The following PGAP1 variants were observed in gnomAD, a reference collection of about 807,000 sequenced individuals.
The protein encoded by PGAP1 is post-GPI attachment to proteins inositol deacylase 1.
In PGAP1, 76 loss-of-function variants were observed where a neutral mutation model predicts 127.0. The observed-to-expected ratio is 0.60, with a 90% CI of 0.50 to 0.72. The LOEUF (loss-of-function observed/expected upper bound fraction) is 0.72, where lower values mean the gene tolerates loss of function less well. Ranked by LOEUF, PGAP1 falls within the 30% of genes least tolerant of loss-of-function variation. The pLI, the probability that PGAP1 is intolerant of heterozygous loss-of-function variation, is 0.00. For synonymous variants in PGAP1, 362 were observed against 366.5 expected, an observed-to-expected ratio of 0.99 and a Z score of 0.14; for missense variants, 982 against 1,071.3, an observed-to-expected ratio of 0.92 and a Z score of 1.16.
At position 196,920,111 on chromosome 2, in the gene PGAP1, C is replaced by T. The variant is rs201585822; in HGVS notation, c.187G>A (p.Ala63Thr). 1.2e-4 allele frequency: 194 copies of T among 1,611,656 alleles called. 1 individual carries two copies. In the East Asian group the frequency reaches 2.6e-3, roughly 22 times the overall value. ...LPKKLAKRYP[A>T]YELYLYGEGS... ...TCTCCATAAAGATACAACTCATATG[C>T]GGGATAGCGTTTTGCCAGTTTCTTT... Residue 63 changes from alanine to threonine, a missense_variant, in exon 2 of 27, where the codon GCA becomes ACA. Physicochemically the swap from Ala to Thr is moderately conservative, Grantham distance 58. Coordinates refer to ENST00000354764, the MANE Select transcript of PGAP1 (RefSeq NM_024989.4).
intron 21 of PGAP1, chr2:196,847,432 T>C (rs1700589944): frequency 1.2e-5 from 4 of 325,484 alleles, no homozygotes; most frequent in East Asian, 5.0e-5. Flanking sequence ...CTAATCTATA[T>C]TGATACTAGT....
At chr2:196,867,421 AC>A (rs780018353) in intron 19 of PGAP1, among the ~76,000 whole-genome samples, 15 of 152,204 alleles carry the variant, frequency 9.9e-5, no homozygotes, top group Non-Finnish European at 1.9e-4. Flanking sequence ...TGGGAGTTGA[AC>A]AATGAGAACA....
intron 6 of PGAP1, among the ~76,000 whole-genome samples, chr2:196,898,065 A>T (rs1408598050): frequency 1.3e-5 from 2 of 152,140 alleles, no homozygotes; most frequent in Admixed American, 1.3e-4. Context: ...TAAAACTACA[A>T]AAATTAGCCG....
At chr2:196,873,476 G>A (rs954050454) in intron 16 of PGAP1, 52 bp downstream of exon 16, 30 of 1,358,434 alleles carry the variant, frequency 2.2e-5, no homozygotes, top group Middle Eastern at 2.6e-4. Flanking sequence ...CACCTATTGA[G>A]TCTTCAAATG....
At chr2:196,885,535 TA>T (rs1701870826) in intron 11 of PGAP1, 60 bp from the exon 12 acceptor site, 3 of 1,235,170 alleles carry the variant, frequency 2.4e-6, no homozygotes, top group South Asian at 2.7e-5. Context: ...TTACAAATTA[TA>T]AATAAGATTC....
chr2:196,875,779 T>C lies in PGAP1; in HGVS notation c.1393A>G (p.Ile465Val), dbSNP rs751423199. 9.1e-6 allele frequency: 14 copies of C among 1,543,704 alleles called. No individual in the cohort carries two copies. In the Middle Eastern group the frequency reaches 5.1e-4, roughly 57 times the overall value. The change falls in exon 14 of 27, where the codon ATA becomes GTA. Residue 465 changes from isoleucine to valine, a missense_variant. By Grantham distance (29) the Ile-to-Val change is conservative. Transcript: ENST00000354764. Reference sequence around the variant, plus strand: ...AAAAGATGAGTTACAGGAAGCTGTATGTATCTTTTCTCTTTTTTAAAGAAT... The same window carrying C: ...AAAAGATGAGTTACAGGAAGCTGTACGTATCTTTTCTCTTTTTTAAAGAAT... ...CEFFKKEKRY[I>V]QLPVTHLFSF...
rs1700783750 is a variant in PGAP1, at chr2:196,853,522, GTA to G, written c.1862-5487_1862-5486del. On this transcript the variant is annotated intron_variant, in intron 20 of 26. Coordinates refer to ENST00000354764, the MANE Select transcript of PGAP1 (RefSeq NM_024989.4). Reference sequence around the variant, plus strand: ...TTATAACCTTAGACACATTTTTCCTGTATCTGATTAAATTCAAGTACCCATTC... The same window carrying G: ...TTATAACCTTAGACACATTTTTCCTGTCTGATTAAATTCAAGTACCCATTC... Among the ~76,000 whole-genome samples the G allele has an allele frequency of 3.3e-5, 5 of 152,164 alleles. No homozygotes were observed. The South Asian group carries it at 1.0e-3, about 32-fold the overall frequency.
At chr2:196,922,035 T>C (rs1463777916) in intron 1 of PGAP1, 9 of 649,332 alleles carry the variant, frequency 1.4e-5, no homozygotes, top group Non-Finnish European at 1.6e-5. Context: ...AGGACTCCAA[T>C]ATAAATTTTT....
At chr2:196,849,611 G>C (rs960581644) in intron 20 of PGAP1, among the ~76,000 whole-genome samples, 1 of 151,900 alleles carries the variant, frequency 6.6e-6, no homozygotes, top group African/African-American at 2.4e-5. Context: ...GTCTGGCACA[G>C]ATCAACTGAA....
intron 21 of PGAP1, 66 bp from the exon 22 acceptor site, chr2:196,847,266 A>C: frequency 4.8e-6 from 6 of 1,242,176 alleles, no homozygotes. Flanking sequence ...TTAATATTTG[A>C]GGTGTCTGAC....
At chr2:196,924,059 G>T (rs971430787) in intron 1 of PGAP1, among the ~76,000 whole-genome samples, 13 of 152,192 alleles carry the variant, frequency 8.5e-5, no homozygotes, top group Non-Finnish European at 1.8e-4. Context: ...CTGAATAAGT[G>T]AATCTGGGAA....
chr2:196,878,232 T>C (rs780865388), intron 13 of PGAP1, among the ~76,000 whole-genome samples: 11 of 152,312 alleles, frequency 7.2e-5, no homozygotes, highest in Non-Finnish European at 1.2e-4. Flanking sequence ...TATTTGCCTA[T>C]ACATAATCAC....
intron 10 of PGAP1, among the ~76,000 whole-genome samples, chr2:196,887,788 T>C (rs928380102): frequency 3.9e-5 from 6 of 152,208 alleles, no homozygotes; most frequent in Non-Finnish European, 7.3e-5. Flanking sequence ...GTGTGGTGTT[T>C]CTCTGTAGGC....
chr2:196,891,459 C>G (rs914035549), intron 9 of PGAP1, among the ~76,000 whole-genome samples: 2 of 152,092 alleles, frequency 1.3e-5, no homozygotes, highest in African/African-American at 4.8e-5. Flanking sequence ...ATGGTTTGCA[C>G]TGACCAAATA....
intron 9 of PGAP1, 46 bp from the exon 10 acceptor site, chr2:196,890,957 T>G: frequency 1.0e-6 from 1 of 955,828 alleles, no homozygotes. Flanking sequence ...ATGAGCAGAT[T>G]AGTTTCATCA....
chr2:196,916,311 C>G, intron 3 of PGAP1, 107 bp downstream of exon 3: 1 of 1,088,660 alleles, frequency 9.2e-7, no homozygotes, highest in Non-Finnish European at 1.2e-6. Context: ...GCCTTCTCTG[C>G]TTCAACTTCC....
chr2:196,878,694 A>G (rs1701638880), intron 13 of PGAP1, among the ~76,000 whole-genome samples: 1 of 152,236 alleles, frequency 6.6e-6, no homozygotes, highest in Non-Finnish European at 1.5e-5. Flanking sequence ...TAAAGTCCTG[A>G]ATCCTCCAAT....
rs772346913 is a variant in PGAP1, at chr2:196,920,005, T to C, written c.293A>G (p.Tyr98Cys). 1.9e-6 allele frequency: 3 copies of C among 1,606,230 alleles called. No individual in the cohort carries two copies. Among genetic ancestry groups the C allele is most frequent in the Admixed American group, 1.7e-5 (1 of 58,234 alleles). The change falls in exon 2 of 27, where the codon TAT (tyrosine) becomes TGT (cysteine). Residue 98 changes from tyrosine (Y) to cysteine (C), a missense_variant. Tyr to Cys is a radical substitution (Grantham distance 194, BLOSUM62 -2). Transcript: ENST00000354764. ...CTTCCAGTAAGACTTACCTTGCTTATAACTTCCAGCATTACCAGGAAGAAA... is the reference window on the plus strand; with the variant it reads ...CTTCCAGTAAGACTTACCTTGCTTACAACTTCCAGCATTACCAGGAAGAAA... ...VLFLPGNAGS[Y>C]KQVRSIGSIA... is the part of the protein sequence containing the mutation.
chr2:196,838,575 T>C lies in PGAP1; in HGVS notation c.*2659A>G, dbSNP rs550400751. 2.6e-5 allele frequency: 4 copies of C among 152,328 alleles called. No individual in the cohort carries two copies. In the South Asian group the frequency reaches 8.3e-4, roughly 32 times the overall value. The allele number at this position is 152,328 out of a possible 1,614,324, so 9.4% of individuals were successfully genotyped here. On this transcript the variant is annotated 3_prime_UTR_variant, in exon 27 of 27. Transcript: ENST00000354764. ...ACATATGTGTCTGTATATATACACA[T>C]ATAATGGCTAAAGACCCAACCTACT...
Sources: gnomAD v4.1 joint callset for allele counts (sites outside exome capture counted in the v4.1 genomes callset) on GRCh38, gnomAD v4.1.1 for gene constraint, MANE v1.5 for transcripts, NCBI Gene and HGNC (gene_info 2026-07-23, HGNC 2026-07-21) for gene names.